APBB1IP: variants seen among roughly 807,000 people sequenced by gnomAD.
APBB1IP encodes the protein amyloid beta precursor protein binding family B member 1 interacting protein.
A neutral mutation model predicts 64.9 loss-of-function variants in APBB1IP; 27 were observed. The observed-to-expected ratio is 0.42, with a 90% CI of 0.31 to 0.57. The LOEUF (loss-of-function observed/expected upper bound fraction) is 0.57, where lower values mean the gene tolerates loss of function less well. Ranked by LOEUF, APBB1IP falls within the 20% of genes least tolerant of loss-of-function variation. The pLI, the probability that APBB1IP is intolerant of heterozygous loss-of-function variation, is 0.20. For missense variants in APBB1IP, 812 were observed against 845.5 expected (o/e 0.96, Z 0.49); for synonymous variants, 392 against 331.0 (o/e 1.18, Z -2.00).
chr10:26,558,293 G>T (rs562095912), intron 11 of APBB1IP, among the ~76,000 whole-genome samples: 1 of 152,026 alleles, frequency 6.6e-6, no homozygotes, highest in Admixed American at 6.6e-5. Flanking sequence ...CCGGCCCCTC[G>T]CCTGATGACG....
chr10:26,531,560 G>A (rs960958583), intron 8 of APBB1IP, among the ~76,000 whole-genome samples: 2 of 151,856 alleles, frequency 1.3e-5, no homozygotes, highest in South Asian at 4.1e-4. Flanking sequence ...CCAGCTACTC[G>A]GGAGGCTGAG....
At chr10:26,557,442 T>C (rs1251526075) in intron 11 of APBB1IP, among the ~76,000 whole-genome samples, 8 of 152,222 alleles carry the variant, frequency 5.3e-5, no homozygotes, top group Non-Finnish European at 1.2e-4. Context: ...AGAATACATA[T>C]TTAAAGACAA....
chr10:26,445,480 G>A (rs560777989), intron 2 of APBB1IP, among the ~76,000 whole-genome samples: 1 of 127,790 alleles, frequency 7.8e-6, no homozygotes, highest in Admixed American at 8.4e-5. Flanking sequence ...CAAACTCCTG[G>A]GCTCAAGTAT....
chr10:26,523,523 G>A (rs1318286534), intron 8 of APBB1IP, among the ~76,000 whole-genome samples: 1 of 152,170 alleles, frequency 6.6e-6, no homozygotes, highest in Non-Finnish European at 1.5e-5. Context: ...ATGCAAAAAG[G>A]CAACTGTGAA....
chr10:26,511,726 G>A (rs1836262378), intron 6 of APBB1IP, 21 bp from the exon 7 acceptor site: 2 of 1,608,070 alleles, frequency 1.2e-6, no homozygotes, highest in South Asian at 1.1e-5. Flanking sequence ...TTTACTGGCT[G>A]CCCCATGGTT....
At chr10:26,558,120 C>A (rs1411759755) in intron 11 of APBB1IP, among the ~76,000 whole-genome samples, 1 of 128,100 alleles carries the variant, frequency 7.8e-6, no homozygotes, top group Non-Finnish European at 1.6e-5. Context: ...AGAGGTGGTA[C>A]CATACCACAC....
chr10:26,524,413 AC>A (rs1836444677), intron 8 of APBB1IP, among the ~76,000 whole-genome samples: 1 of 150,280 alleles, frequency 6.7e-6, no homozygotes, highest in African/African-American at 2.5e-5. Context: ...TGAAAAAAAA[AC>A]AACAACAAAT....
At chr10:26,479,960 T>C (rs1185501671) in intron 2 of APBB1IP, among the ~76,000 whole-genome samples, 1 of 152,186 alleles carries the variant, frequency 6.6e-6, no homozygotes, top group African/African-American at 2.4e-5. Flanking sequence ...TTGTTCTTAC[T>C]AACATGGCAC....
At chr10:26,557,812 C>T (rs569899480) in intron 11 of APBB1IP, among the ~76,000 whole-genome samples, 16 of 152,270 alleles carry the variant, frequency 1.1e-4, no homozygotes, top group African/African-American at 3.8e-4. Context: ...AGTGACTAGA[C>T]GCTGCCAGTC....
intron 11 of APBB1IP, among the ~76,000 whole-genome samples, chr10:26,547,566 C>T (rs1436567296): frequency 1.3e-5 from 2 of 152,024 alleles, no homozygotes; most frequent in Admixed American, 6.6e-5. Context: ...CTCAGCCTCC[C>T]GAGTAGCTGG....
intron 9 of APBB1IP, among the ~76,000 whole-genome samples, chr10:26,535,718 T>C (rs1836614031): frequency 6.6e-6 from 1 of 152,222 alleles, no homozygotes; most frequent in African/African-American, 2.4e-5. Flanking sequence ...TAATTGCTTT[T>C]ATTAAAGGCT....
chr10:26,492,830 T>G (rs1408877507), intron 3 of APBB1IP, among the ~76,000 whole-genome samples: 1 of 152,194 alleles, frequency 6.6e-6, no homozygotes. Flanking sequence ...TGAAGTTCCA[T>G]GCCCCGCTGT....
At chr10:26,482,944 A>G (rs1300652025) in intron 2 of APBB1IP, among the ~76,000 whole-genome samples, 1 of 147,898 alleles carries the variant, frequency 6.8e-6, no homozygotes, top group Non-Finnish European at 1.5e-5. Flanking sequence ...AAAAAAAATT[A>G]GCTGGTCATG....
At chr10:26,507,392 G>A (rs1412684859) in intron 6 of APBB1IP, among the ~76,000 whole-genome samples, 1 of 152,192 alleles carries the variant, frequency 6.6e-6, no homozygotes, top group African/African-American at 2.4e-5. Flanking sequence ...CCAGCTACAG[G>A]TGGCTGAGGC....
intron 11 of APBB1IP, among the ~76,000 whole-genome samples, chr10:26,552,431 T>A (rs1836843206): frequency 2.0e-5 from 3 of 151,994 alleles, no homozygotes; most frequent in African/African-American, 4.8e-5. Flanking sequence ...GACCCCCGTC[T>A]CTACAAAATA....
chr10:26,558,169 G>A lies in APBB1IP; in HGVS notation c.1156-1936G>A, dbSNP rs999722236. Among the ~76,000 whole-genome samples, 28 of 103,930 alleles carry A rather than the reference G, an allele frequency of 2.7e-4. No homozygotes were observed. In the East Asian group the frequency reaches 8.0e-3, roughly 30 times the overall value. 68.2% of individuals were successfully genotyped at this position (103,930 alleles called of 152,430 possible). A position where few individuals can be genotyped will look rare whatever the true frequency, so the allele number is the denominator to read the frequency against. Reference sequence around the variant, plus strand: ...CACACACACACACACACACACACACGATGCTTGTGGTTAATTATTTTTCTA... The same window carrying A: ...CACACACACACACACACACACACACAATGCTTGTGGTTAATTATTTTTCTA... On this transcript the variant is annotated intron_variant, in intron 11 of 14. Transcript: ENST00000376236.
intron 11 of APBB1IP, among the ~76,000 whole-genome samples, chr10:26,552,085 G>T (rs1300417138): frequency 6.6e-6 from 1 of 152,176 alleles, no homozygotes; most frequent in Non-Finnish European, 1.5e-5. Context: ...GATCGCTTGA[G>T]CCCAGGAGCT....
intron 8 of APBB1IP, among the ~76,000 whole-genome samples, chr10:26,524,955 C>CTTTCTTTTTTTTCTTTTTTTTTTT (rs747655095): frequency 1.4e-5 from 1 of 73,972 alleles, no homozygotes; most frequent in Non-Finnish European, 2.6e-5. Context: ...TTCTTTCTTT[C>CTTTCTTTTTTTTCTTTTTTTTTTT]TTTTTTTTTT....
chr10:26,441,580 A>G (rs1835338661), intron 2 of APBB1IP, among the ~76,000 whole-genome samples: 2 of 152,104 alleles, frequency 1.3e-5, no homozygotes, highest in African/African-American at 4.8e-5. Flanking sequence ...TGTGCAGAAT[A>G]TATTAATCTC....
Sources: allele counts gnomAD v4.1 joint callset (sites outside exome capture counted in the v4.1 genomes callset), GRCh38; gene constraint gnomAD v4.1.1; transcripts MANE v1.5; gene names NCBI Gene and HGNC (gene_info 2026-07-23, HGNC 2026-07-21).